Variants in STPG2 observed in about 807,000 individuals in gnomAD.
STPG2 encodes the protein sperm tail PG-rich repeat containing 2.
A neutral mutation model predicts 54.2 loss-of-function variants in STPG2; 56 were observed. The ratio of observed to expected loss-of-function variants is 1.03; its 90% CI spans 0.83 to 1.29. The LOEUF (loss-of-function observed/expected upper bound fraction) is 1.29. Ranked by LOEUF, STPG2 falls within the 50% of genes most tolerant of loss-of-function variation. The pLI is 0.00. For missense variants in STPG2, 596 were observed against 544.9 expected, an observed-to-expected ratio of 1.09 and a Z score of -0.93; for synonymous variants, 200 against 181.8, an observed-to-expected ratio of 1.10 and a Z score of -0.81.
chr4:98,088,258 TAAG>T (rs1738585134), intron 5 of STPG2, among the ~76,000 whole-genome samples: 2 of 152,346 alleles, frequency 1.3e-5, no homozygotes, highest in East Asian at 1.9e-4. Flanking sequence ...TATTTCATGA[TAAG>T]AAGTATTCTC....
intron 10 of STPG2, among the ~76,000 whole-genome samples, chr4:97,687,529 A>G (rs1723236406): frequency 6.6e-6 from 1 of 151,780 alleles, no homozygotes; most frequent in African/African-American, 2.4e-5. Flanking sequence ...TAGTAGAGAC[A>G]GGGTTTCACC....
intron 10 of STPG2, among the ~76,000 whole-genome samples, chr4:97,632,842 A>T (rs1721336640): frequency 1.3e-5 from 2 of 152,190 alleles, no homozygotes; most frequent in African/African-American, 4.8e-5. Flanking sequence ...CTTATATCCT[A>T]TAATTAGAAG....
chr4:97,722,023 T>C (rs1243636788), intron 9 of STPG2, among the ~76,000 whole-genome samples: 2 of 151,384 alleles, frequency 1.3e-5, no homozygotes, highest in African/African-American at 4.9e-5. Flanking sequence ...AATTATTATA[T>C]ATCCTGATTG....
chr4:97,635,857 G>T lies in STPG2; in HGVS notation c.1321-76740C>A, dbSNP rs920342229. 3.5e-3 allele frequency among the ~76,000 whole-genome samples: 524 copies of T among 151,082 alleles called. 3 individuals are homozygous for T. Among genetic ancestry groups the T allele is most frequent in the African/African-American group, 0.011 (446 of 40,510 alleles). ...TTCATACGGCAAGTCCTGAGTGACC[G>T]ACAAAGAGACTTAGACTCCCACACA... On this transcript the variant is annotated intron_variant, in intron 10 of 10. Transcript: ENST00000295268.
chr4:97,714,760 C>T (rs1993409), intron 9 of STPG2, among the ~76,000 whole-genome samples: 89,562 of 151,766 alleles, frequency 0.59, 26,717 homozygotes, highest in South Asian at 0.68. Flanking sequence ...CAAACTATCA[C>T]CAGAAGCTGG....
chr4:97,534,791 T>C (rs1359903791), intron 4 of STPG2, among the ~76,000 whole-genome samples: 1 of 152,140 alleles, frequency 6.6e-6, no homozygotes, highest in Non-Finnish European at 1.5e-5. Context: ...TCTGTACACA[T>C]GCAGCCCTGA....
chr4:97,934,720 T>C (rs1275879297), intron 8 of STPG2, among the ~76,000 whole-genome samples: 1 of 152,198 alleles, frequency 6.6e-6, no homozygotes, highest in African/African-American at 2.4e-5. Flanking sequence ...GACATGACCG[T>C]TGTGGATAAG....
At chr4:97,793,567 A>G (rs1242501487) in intron 9 of STPG2, among the ~76,000 whole-genome samples, 1 of 152,064 alleles carries the variant, frequency 6.6e-6, no homozygotes, top group African/African-American at 2.4e-5. Context: ...CTTTTACCAA[A>G]GGGGTTTCTA....
intron 4 of STPG2, among the ~76,000 whole-genome samples, chr4:97,470,950 T>A (rs1409499671): frequency 6.6e-6 from 1 of 152,088 alleles, no homozygotes; most frequent in Non-Finnish European, 1.5e-5. Context: ...CTTTGGTTGA[T>A]CCTGGATCAT....
chr4:97,854,607 A>T (rs181252841), intron 8 of STPG2, among the ~76,000 whole-genome samples: 5 of 152,112 alleles, frequency 3.3e-5, no homozygotes, highest in Admixed American at 2.0e-4. Context: ...TAAAACAGAC[A>T]TGAGAAACAT....
At chr4:97,742,534 T>C (rs866061059) in intron 9 of STPG2, among the ~76,000 whole-genome samples, 2 of 137,662 alleles carry the variant, frequency 1.5e-5, no homozygotes, top group African/African-American at 5.5e-5. Context: ...TGTGTGTGTG[T>C]GTGTGTGTGT....
At chr4:97,891,385 C>A (rs1730764848) in intron 8 of STPG2, among the ~76,000 whole-genome samples, 1 of 151,862 alleles carries the variant, frequency 6.6e-6, no homozygotes, top group African/African-American at 2.4e-5. Flanking sequence ...TATGAGAGAA[C>A]TTTGTGTAAC....
chr4:98,087,403 A>G (rs952475781), intron 5 of STPG2, among the ~76,000 whole-genome samples: 96 of 152,246 alleles, frequency 6.3e-4, no homozygotes, highest in Admixed American at 1.0e-3. Flanking sequence ...GTACTCACCA[A>G]GACAGTCTCA....
intron 10 of STPG2, among the ~76,000 whole-genome samples, chr4:97,646,427 G>GT (rs1721913689): frequency 6.6e-6 from 1 of 151,950 alleles, no homozygotes; most frequent in Admixed American, 6.6e-5. Flanking sequence ...AATCAATAAT[G>GT]TAATATATCC....
At chr4:97,581,841 T>C (rs1412850546) in intron 10 of STPG2, among the ~76,000 whole-genome samples, 2 of 151,964 alleles carry the variant, frequency 1.3e-5, no homozygotes, top group Non-Finnish European at 2.9e-5. Context: ...AGAATTATAA[T>C]TGTATTTTGG....
chr4:97,796,749 T>C (rs1727197778), intron 9 of STPG2, among the ~76,000 whole-genome samples: 1 of 152,206 alleles, frequency 6.6e-6, no homozygotes, highest in Non-Finnish European at 1.5e-5. Flanking sequence ...AAGTCATTGG[T>C]AGCTTGATGG....
intron 8 of STPG2, among the ~76,000 whole-genome samples, chr4:97,859,776 T>C (rs540408751): frequency 1.3e-5 from 2 of 152,306 alleles, no homozygotes; most frequent in South Asian, 4.1e-4. Context: ...AGCTTTTGAG[T>C]CCTTGGTCAT....
chr4:97,770,101 C>T (rs554613289), intron 9 of STPG2, among the ~76,000 whole-genome samples: 3 of 152,030 alleles, frequency 2.0e-5, no homozygotes, highest in Non-Finnish European at 4.4e-5. Context: ...ATCCCAGCTA[C>T]TCAGGAGGCT....
At chr4:98,003,521 A>G (rs1735478515) in intron 5 of STPG2, among the ~76,000 whole-genome samples, 1 of 152,114 alleles carries the variant, frequency 6.6e-6, no homozygotes, top group Non-Finnish European at 1.5e-5. Flanking sequence ...TCTCAACATT[A>G]AAAGCACAAT....
Sources: gnomAD v4.1 joint callset for allele counts (sites outside exome capture counted in the v4.1 genomes callset) on GRCh38, gnomAD v4.1.1 for gene constraint, MANE v1.5 for transcripts, NCBI Gene and HGNC (gene_info 2026-07-23, HGNC 2026-07-21) for gene names.